The following FSTL5 variants were observed in gnomAD, a reference collection of about 807,000 sequenced individuals.
FSTL5 encodes follistatin like 5.
FSTL5 carries 62 observed loss-of-function variants against 89.1 expected under a neutral mutation model. That is an observed-to-expected ratio of 0.70 (90% CI 0.57 to 0.86). FSTL5 has a LOEUF of 0.86. Among genes scored for constraint, FSTL5 ranks in the 40% least tolerant of loss-of-function variants. FSTL5 has a pLI of 0.00. For synonymous variants in FSTL5, 383 were observed against 346.2 expected (o/e 1.11, Z -1.18); for missense variants, 1,057 against 1,001.6 (o/e 1.06, Z -0.75).
At chr4:161,495,386 C>T (rs1730031269) in intron 12 of FSTL5, 2 of 152,234 alleles carry the variant, frequency 1.3e-5, no homozygotes, top group South Asian at 4.1e-4. Context: ...TTCCAAACTC[C>T]TTTTCAGTTT....
chr4:161,699,588 T>C (rs1211165412), intron 6 of FSTL5, among the ~76,000 whole-genome samples: 1 of 152,228 alleles, frequency 6.6e-6, no homozygotes, highest in Non-Finnish European at 1.5e-5. Flanking sequence ...AAAATTAAAC[T>C]ATAAGACACA....
intron 6 of FSTL5, among the ~76,000 whole-genome samples, chr4:161,715,746 T>C (rs1422983229): frequency 2.6e-5 from 4 of 152,218 alleles, no homozygotes; most frequent in Admixed American, 2.0e-4. Context: ...TCCTGTGATG[T>C]ACAGAAGCTA....
chr4:161,971,931 C>G (rs143406000), intron 3 of FSTL5, among the ~76,000 whole-genome samples: 238 of 152,224 alleles, frequency 1.6e-3, no homozygotes, highest in Middle Eastern at 3.4e-3. Context: ...CAAATGTCCA[C>G]CAACTTTCTA....
chr4:161,857,739 C>T (rs753254961), intron 4 of FSTL5, among the ~76,000 whole-genome samples: 3 of 152,134 alleles, frequency 2.0e-5, no homozygotes, highest in East Asian at 1.9e-4. Context: ...CTACTAGGAC[C>T]TGGAAGACTA....
At chr4:161,684,548 T>C (rs1737644716) in intron 6 of FSTL5, among the ~76,000 whole-genome samples, 1 of 152,226 alleles carries the variant, frequency 6.6e-6, no homozygotes, top group Non-Finnish European at 1.5e-5. Flanking sequence ...CATATGTTTG[T>C]TGTCTATTTG....
intron 6 of FSTL5, among the ~76,000 whole-genome samples, chr4:161,738,212 A>G (rs1001477131): frequency 6.6e-6 from 1 of 152,076 alleles, no homozygotes; most frequent in African/African-American, 2.4e-5. Flanking sequence ...TGTCAATTTT[A>G]CGTAAAGAAA....
In FSTL5 at chr4:161,394,064, A is replaced by G. The variant is rs78502935; in HGVS notation, c.1842-7615T>C. Among the ~76,000 whole-genome samples, 551 of 152,272 alleles carry G rather than the reference A, an allele frequency of 3.6e-3. 13 individuals carry two copies. The East Asian group carries it at 0.054, about 15-fold the overall frequency. On this transcript the variant is annotated intron_variant, in intron 15 of 15. Transcript: ENST00000306100. ...AAGTCTAGTTAATGTATAGAGCTAC[A>G]TGGAGTGAGGACGTGACATGTATAT...
At chr4:161,992,773 G>A (rs976444486) in intron 3 of FSTL5, among the ~76,000 whole-genome samples, 2 of 147,850 alleles carry the variant, frequency 1.4e-5, no homozygotes, top group African/African-American at 2.5e-5. Flanking sequence ...GAACCCGGGA[G>A]TTGGACGTTG....
At chr4:161,906,355 G>A (rs956281186) in intron 4 of FSTL5, among the ~76,000 whole-genome samples, 12 of 152,130 alleles carry the variant, frequency 7.9e-5, no homozygotes, top group African/African-American at 2.7e-4. Flanking sequence ...TTGGTGAAAA[G>A]ATATGGTTTT....
chr4:161,688,942 TTTA>T (rs1349398469), intron 6 of FSTL5, among the ~76,000 whole-genome samples: 2 of 152,124 alleles, frequency 1.3e-5, no homozygotes, highest in Non-Finnish European at 2.9e-5. Context: ...TCTTACTGAT[TTTA>T]TTAGCCCTAT....
chr4:161,501,135 G>T (rs1348808966), intron 11 of FSTL5, among the ~76,000 whole-genome samples: 3 of 151,966 alleles, frequency 2.0e-5, no homozygotes, highest in African/African-American at 7.3e-5. Context: ...TTAAAATCTT[G>T]ACTGGAAAAT....
chr4:161,424,228 T>G (rs1006835285), intron 15 of FSTL5, among the ~76,000 whole-genome samples: 2 of 147,186 alleles, frequency 1.4e-5, no homozygotes, highest in African/African-American at 5.4e-5. Context: ...GGAAATAGGT[T>G]TGTGCTGACC....
chr4:161,955,518 C>A (rs1360082922), intron 3 of FSTL5, among the ~76,000 whole-genome samples: 1 of 151,782 alleles, frequency 6.6e-6, no homozygotes, highest in African/African-American at 2.4e-5. Flanking sequence ...GATGCAGAAA[C>A]TCAACAGAAG....
At chr4:161,909,866 C>T (rs1733641546) in intron 4 of FSTL5, among the ~76,000 whole-genome samples, 1 of 152,068 alleles carries the variant, frequency 6.6e-6, no homozygotes, top group Non-Finnish European at 1.5e-5. Flanking sequence ...TCCTTATTCC[C>T]ATCCACCTCT....
chr4:161,450,006 T>C (rs1003132235), intron 15 of FSTL5, among the ~76,000 whole-genome samples: 25 of 152,174 alleles, frequency 1.6e-4, no homozygotes, highest in African/African-American at 6.0e-4. Context: ...CTCAGATTTC[T>C]TACATTTCCC....
chr4:161,749,092 C>T (rs183686627), intron 6 of FSTL5, among the ~76,000 whole-genome samples: 6 of 152,164 alleles, frequency 3.9e-5, no homozygotes, highest in Non-Finnish European at 7.4e-5. Context: ...TAAATTAGTT[C>T]AACCACTATG....
At chr4:161,826,547 T>C (rs1171730773) in intron 4 of FSTL5, among the ~76,000 whole-genome samples, 1 of 152,170 alleles carries the variant, frequency 6.6e-6, no homozygotes, top group Admixed American at 6.5e-5. Context: ...GTAGTAATTG[T>C]TTTATAAATT....
intron 15 of FSTL5, among the ~76,000 whole-genome samples, chr4:161,443,444 A>G (rs1732842903): frequency 6.6e-6 from 1 of 152,050 alleles, no homozygotes; most frequent in South Asian, 2.1e-4. Flanking sequence ...TTATTACTCC[A>G]AAGTATGAGT....
intron 4 of FSTL5, among the ~76,000 whole-genome samples, chr4:161,895,883 T>C (rs1052127592): frequency 9.9e-5 from 15 of 152,172 alleles, no homozygotes; most frequent in Non-Finnish European, 1.0e-4. Context: ...GCTTACACTT[T>C]CTGTTTCACC....
Sources: allele counts gnomAD v4.1 joint callset (sites outside exome capture counted in the v4.1 genomes callset), GRCh38; gene constraint gnomAD v4.1.1; transcripts MANE v1.5; gene names NCBI Gene and HGNC (gene_info 2026-07-23, HGNC 2026-07-21).